RBFOX1: variants seen among roughly 807,000 people sequenced by gnomAD.
RBFOX1 encodes RNA binding protein fox-1 homolog 1.
A neutral mutation model predicts 57.7 loss-of-function variants in RBFOX1; 8 were observed. The ratio of observed to expected loss-of-function variants is 0.14; its 90% confidence interval spans 0.08 to 0.25. The LOEUF is 0.25. Among genes scored for constraint, RBFOX1 ranks in the 10% least tolerant of loss-of-function variants. RBFOX1 has a pLI of 1.00. For synonymous variants in RBFOX1, 326 were observed against 222.4 expected (o/e 1.47, Z -4.15); for missense variants, 611 against 548.5 (o/e 1.11, Z -1.14).
chr16:7,115,909 G>A (rs182354961), intron 4 of RBFOX1, among the ~76,000 whole-genome samples: 16 of 152,310 alleles, frequency 1.1e-4, no homozygotes, highest in Admixed American at 2.0e-4. Flanking sequence ...GCAGTGATGC[G>A]TATAATAGGC....
chr16:5,315,853 C>A (rs921877071), intron 1 of RBFOX1, among the ~76,000 whole-genome samples: 37 of 152,212 alleles, frequency 2.4e-4, no homozygotes, highest in African/African-American at 8.4e-4. Context: ...TTGTCTAGAG[C>A]CTGTAGACGC....
Position 6,854,587 on chromosome 16 carries a change from A to ATTTTTT in RBFOX1, c.-15-197450_-15-197445dup, listed in dbSNP as rs71147611. ...CCTCCCTGCCAACTAGGAGAGGTGAATTTTTTTTTTTTTTTTTTTTTTTTT... is the reference window on the plus strand; with the variant it reads ...CCTCCCTGCCAACTAGGAGAGGTGAATTTTTTTTTTTTTTTTTTTTTTTTTTTTTTT... On this transcript the variant is annotated intron_variant, in intron 3 of 15. Transcript: ENST00000550418. Among the ~76,000 whole-genome samples the ATTTTTT allele has an allele frequency of 9.2e-4, 65 of 70,638 alleles. 3 individuals carry two copies. The highest frequency in any genetic ancestry group is 3.0e-3 in the East Asian group (6 of 1,972). 46.3% of individuals were successfully genotyped at this position (70,638 alleles called of 152,430 possible). A position where few individuals can be genotyped will look rare whatever the true frequency, so the allele number is the denominator to read the frequency against.
intron 4 of RBFOX1, among the ~76,000 whole-genome samples, chr16:5,950,604 A>G (rs987920059): frequency 6.6e-6 from 1 of 152,086 alleles, no homozygotes; most frequent in East Asian, 1.9e-4. Flanking sequence ...TTGATGCTCA[A>G]ATTGTCCGAA....
intron 1 of RBFOX1, among the ~76,000 whole-genome samples, chr16:6,152,886 G>T (rs1318132070): frequency 6.6e-6 from 1 of 152,126 alleles, no homozygotes; most frequent in East Asian, 1.9e-4. Context: ...CTCAGGAGCT[G>T]ATCAGGAAAC....
In RBFOX1 at chr16:6,161,388, T is replaced by TAA. The variant is rs57538647; in HGVS notation, c.-127+141412_-127+141413dup. 3.1e-3 allele frequency among the ~76,000 whole-genome samples: 411 copies of TAA among 131,892 alleles called. 1 individual carries two copies. The highest frequency in any genetic ancestry group is 0.01 in the African/African-American group (380 of 36,520). 86.5% of individuals were successfully genotyped at this position (131,892 alleles called of 152,430 possible). ...TGGGCGATAGAGTGAGACTCTGTCT[T>TAA]AAAAAAAAAAAAAAAAAGGATTGAT... On this transcript the variant is annotated intron_variant, in intron 1 of 15. Coordinates refer to ENST00000550418, the MANE Select transcript of RBFOX1 (RefSeq NM_018723.4).
chr16:5,765,763 C>G (rs1255871537), intron 3 of RBFOX1, among the ~76,000 whole-genome samples: 1 of 152,168 alleles, frequency 6.6e-6, no homozygotes, highest in African/African-American at 2.4e-5. Context: ...GAGTTTACAG[C>G]CTTTGGATAT....
chr16:6,468,101 C>A (rs528574963), intron 2 of RBFOX1, among the ~76,000 whole-genome samples: 1 of 152,196 alleles, frequency 6.6e-6, no homozygotes, highest in South Asian at 2.1e-4. Context: ...TTTTTCTCTG[C>A]ACAGAAATAC....
chr16:7,144,354 C>G (rs1325640447), intron 4 of RBFOX1, among the ~76,000 whole-genome samples: 5 of 151,636 alleles, frequency 3.3e-5, no homozygotes, highest in African/African-American at 9.7e-5. Flanking sequence ...GGTACCCATC[C>G]TTGGACACTA....
intron 3 of RBFOX1, among the ~76,000 whole-genome samples, chr16:6,663,407 C>A (rs1397127607): frequency 6.6e-6 from 1 of 152,156 alleles, no homozygotes. Context: ...ACATAGCCAG[C>A]AGGATTTGTT....
At chr16:5,831,929 C>T (rs986742987) in intron 3 of RBFOX1, among the ~76,000 whole-genome samples, 11 of 152,202 alleles carry the variant, frequency 7.2e-5, no homozygotes, top group South Asian at 2.1e-4. Flanking sequence ...AAATAGAGTT[C>T]GGCACATGGT....
chr16:6,633,044 C>T (rs1320659016), intron 2 of RBFOX1, among the ~76,000 whole-genome samples: 1 of 152,082 alleles, frequency 6.6e-6, no homozygotes, highest in Non-Finnish European at 1.5e-5. Context: ...GATGTGTTTT[C>T]CTGGAGTTGA....
chr16:7,059,942 A>C (rs967893124), intron 4 of RBFOX1, among the ~76,000 whole-genome samples: 1 of 152,230 alleles, frequency 6.6e-6, no homozygotes, highest in Non-Finnish European at 1.5e-5. Context: ...GTATGAAAAC[A>C]CGATTCAAAA....
intron 3 of RBFOX1, among the ~76,000 whole-genome samples, chr16:5,778,184 T>A (rs1173568094): frequency 1.3e-5 from 2 of 152,112 alleles, no homozygotes; most frequent in Non-Finnish European, 2.9e-5. Context: ...TGGGGAGGAA[T>A]GGCAATAGTG....
intron 10 of RBFOX1, among the ~76,000 whole-genome samples, chr16:7,627,337 A>G (rs1182665366): frequency 1.3e-5 from 2 of 152,166 alleles, no homozygotes; most frequent in South Asian, 2.1e-4. Flanking sequence ...TTCCAGGCCA[A>G]TAGGAAAGGA....
At chr16:6,079,905 C>G (rs1466645580) in intron 1 of RBFOX1, among the ~76,000 whole-genome samples, 2 of 152,158 alleles carry the variant, frequency 1.3e-5, no homozygotes, top group Non-Finnish European at 2.9e-5. Context: ...TAATAAGTGT[C>G]TAGTCCATTG....
At chr16:7,612,315 C>A (rs367800974) in intron 10 of RBFOX1, among the ~76,000 whole-genome samples, 2 of 81,468 alleles carry the variant, frequency 2.5e-5, no homozygotes, top group East Asian at 4.1e-4. Flanking sequence ...AGCGAGACTC[C>A]ATCTCAAAAA....
At chr16:5,516,200 G>A (rs984822267) in intron 2 of RBFOX1, among the ~76,000 whole-genome samples, 2 of 152,184 alleles carry the variant, frequency 1.3e-5, no homozygotes, top group Admixed American at 6.5e-5. Context: ...AAAATGAATA[G>A]GCTGTAAAAT....
chr16:7,227,343 C>G (rs1267688091), intron 4 of RBFOX1, among the ~76,000 whole-genome samples: 4 of 132,742 alleles, frequency 3.0e-5, no homozygotes, highest in Admixed American at 9.4e-5. Context: ...TTGCTCTTTT[C>G]TTTCCCTGCC....
intron 4 of RBFOX1, among the ~76,000 whole-genome samples, chr16:7,458,024 A>G (rs1215277465): frequency 6.6e-6 from 1 of 152,074 alleles, no homozygotes; most frequent in African/African-American, 2.4e-5. Context: ...TGGTATATTC[A>G]GCCTTGCTCA....
Sources: gnomAD v4.1 joint callset for allele counts (sites outside exome capture counted in the v4.1 genomes callset) on GRCh38, gnomAD v4.1.1 for gene constraint, MANE v1.5 for transcripts, NCBI Gene and HGNC (gene_info 2026-07-23, HGNC 2026-07-21) for gene names.